Variants in PANK3 observed in about 807,000 individuals in gnomAD.
The protein encoded by PANK3 is hPanK3.
A neutral mutation model predicts 39.4 loss-of-function variants in PANK3; 20 were observed. That is an observed-to-expected ratio of 0.51 (90% CI 0.36 to 0.74). PANK3 has a LOEUF of 0.74. PANK3 is among the 30% of genes least tolerant of loss of function. The pLI is 0.00. For missense variants in PANK3, 265 were observed against 437.0 expected, an observed-to-expected ratio of 0.61 and a Z score of 3.51; for synonymous variants, 140 against 157.3, an observed-to-expected ratio of 0.89 and a Z score of 0.82.
In PANK3 at chr5:168,556,711, T is replaced by A. The variant is rs185399183; in HGVS notation, c.*860A>T. 9 of 152,764 alleles carry A rather than the reference T, an allele frequency of 5.9e-5. No individual in the cohort carries two copies. The East Asian group carries it at 1.7e-3, about 29-fold the overall frequency. 9.5% of individuals were successfully genotyped at this position (152,764 alleles called of 1,614,324 possible). A position where few individuals can be genotyped will look rare whatever the true frequency, so the allele number is the denominator to read the frequency against. On this transcript the variant is annotated 3_prime_UTR_variant, in exon 7 of 7. Transcript: ENST00000239231. ...ATATTTACAGATGAATTTTCTATTA[T>A]TAATGTTATTGTGGTTGTTTTAAAA... is the stretch of plus-strand genomic sequence containing the variant.
Position 168,553,547 on chromosome 5 carries a change from T to C in PANK3, c.*4024A>G. On this transcript the variant is annotated 3_prime_UTR_variant, in exon 7 of 7. Coordinates refer to ENST00000239231, the MANE Select transcript of PANK3 (RefSeq NM_024594.4). ...GGGCCAGGGGGACATGAGCAAAACC[T>C]CAGAGGGAGAGTCTTCTGACCTCTC... 1 of 327,320 alleles carries C rather than the reference T, an allele frequency of 3.1e-6. No individual in the cohort carries two copies. Among genetic ancestry groups the C allele is most frequent in the Non-Finnish European group, 6.0e-6 (1 of 167,152 alleles). The allele number at this position is 327,320 out of a possible 1,614,324, so 20.3% of individuals were successfully genotyped here.
In PANK3 at chr5:168,553,070, CCTTT is replaced by C; in HGVS notation, c.*4497_*4500del. The C allele has an allele frequency of 4.9e-6, 2 of 409,766 alleles. No homozygotes were observed. The highest frequency in any genetic ancestry group is 3.1e-5 in the Admixed American group (1 of 32,718). 25.4% of individuals were successfully genotyped at this position (409,766 alleles called of 1,614,324 possible). On this transcript the variant is annotated 3_prime_UTR_variant, in exon 7 of 7. Transcript: ENST00000239231. ...GCTGAAGGATCTCATTAGTACTCTT[CCTTT>C]CTGTTAATGAGCAAAAACTTACGAC...
intron 1 of PANK3, among the ~76,000 whole-genome samples, chr5:168,570,637 T>C (rs1759614289): frequency 1.3e-5 from 2 of 151,886 alleles, no homozygotes; most frequent in Admixed American, 1.3e-4. Context: ...AAAAACCCCA[T>C]CCAAAGGTGA....
At position 168,557,305 on chromosome 5, in the gene PANK3, AAAT is replaced by A. The variant is rs903250001; in HGVS notation, c.*263_*265del. On this transcript the variant is annotated 3_prime_UTR_variant, in exon 7 of 7. Transcript: ENST00000239231. ...ACAGTACTGCAATGTTGGCTACATA[AAAT>A]AAAAAAATCTTTTTAAGAGGAAGCT... The A allele has an allele frequency of 6.8e-5, 31 of 456,012 alleles. No homozygotes were observed. The highest frequency in any genetic ancestry group is 1.2e-3 in the Middle Eastern group (2 of 1,644). The allele number at this position is 456,012 out of a possible 1,614,324, so 28.2% of individuals were successfully genotyped here. A position where few individuals can be genotyped will look rare whatever the true frequency, so the allele number is the denominator to read the frequency against.
intron 2 of PANK3, among the ~76,000 whole-genome samples, chr5:168,568,271 A>C (rs1759567379): frequency 6.6e-6 from 1 of 152,230 alleles, no homozygotes; most frequent in Non-Finnish European, 1.5e-5. Context: ...GCCCTGGAAG[A>C]TTAATATTAT....
chr5:168,576,920 C>T (rs2113040075), intron 1 of PANK3, among the ~76,000 whole-genome samples: 1 of 151,976 alleles, frequency 6.6e-6, no homozygotes, highest in South Asian at 2.1e-4. Flanking sequence ...TGCTCTGTTG[C>T]CCAGGCTGGA....
chr5:168,558,714 A>G (rs555738209), intron 6 of PANK3, among the ~76,000 whole-genome samples: 2 of 152,348 alleles, frequency 1.3e-5, no homozygotes, highest in South Asian at 4.1e-4. Context: ...CCAATATTCT[A>G]CTACTTAAGG....
At chr5:168,558,228 C>G (rs145162200) in intron 6 of PANK3, among the ~76,000 whole-genome samples, 4 of 149,630 alleles carry the variant, frequency 2.7e-5, no homozygotes, top group African/African-American at 9.9e-5. Context: ...GGCGCCATCT[C>G]GACTCACTGC....
intron 1 of PANK3, among the ~76,000 whole-genome samples, chr5:168,571,679 T>C (rs6874655): frequency 0.13 from 20,237 of 152,228 alleles, 1,814 homozygotes; most frequent in Non-Finnish European, 0.19. Flanking sequence ...TGTGTGTGCA[T>C]TACAAAACCA....
chr5:168,575,690 G>C lies in PANK3; in HGVS notation c.28+3566C>G, dbSNP rs574854707. Among the ~76,000 whole-genome samples, 17 of 152,266 alleles carry C rather than the reference G, an allele frequency of 1.1e-4. No homozygotes were observed. In the South Asian group the frequency reaches 3.5e-3, roughly 32 times the overall value. ...AGTTCTAGCTACTGGGGAGGCTGAG[G>C]GGGGAGGATTGCTTGAGCCTGGCAT... On this transcript the variant is annotated intron_variant, in intron 1 of 6. Transcript: ENST00000239231.
chr5:168,576,311 A>T (rs1759729988), intron 1 of PANK3, among the ~76,000 whole-genome samples: 1 of 152,224 alleles, frequency 6.6e-6, no homozygotes, highest in South Asian at 2.1e-4. Context: ...ATAAAGCACA[A>T]ACTCAAAACC....
chr5:168,568,509 G>A (rs975401700), intron 2 of PANK3, 137 bp downstream of exon 2: 14 of 675,590 alleles, frequency 2.1e-5, no homozygotes, highest in Middle Eastern at 3.1e-4. Context: ...TGTTTAAAAC[G>A]CCCCAAGTGA....
chr5:168,572,751 C>T (rs562749512), intron 1 of PANK3, among the ~76,000 whole-genome samples: 91 of 152,232 alleles, frequency 6.0e-4, no homozygotes, highest in African/African-American at 2.1e-3. Flanking sequence ...CCTGATGTTC[C>T]TGTCTTCTTA....
At position 168,557,568 on chromosome 5, in the gene PANK3, G is replaced by A. The variant is rs765813594; in HGVS notation, c.*3C>T. The A allele has an allele frequency of 1.1e-5, 17 of 1,612,858 alleles. No individual in the cohort carries two copies. Among genetic ancestry groups the A allele is most frequent in the African/African-American group, 6.7e-5 (5 of 74,908 alleles). On this transcript the variant is annotated 3_prime_UTR_variant, in exon 7 of 7. Transcript: ENST00000239231. ...TTATTAGCAGAGAGAGAGACCTGAT[G>A]CTTTAGCTGAAATTTGGCAGCCCAA...
Position 168,556,662 on chromosome 5 carries a change from C to G in PANK3, c.*909G>C, listed in dbSNP as rs1366517345. ...TAATAAGGCATGGTAGAGGTTTTCCCATTTTTCAGTGACTAGACTGTGAAT... is the reference window on the plus strand; with the variant it reads ...TAATAAGGCATGGTAGAGGTTTTCCGATTTTTCAGTGACTAGACTGTGAAT... On this transcript the variant is annotated 3_prime_UTR_variant, in exon 7 of 7. Transcript: ENST00000239231. 6.6e-6 allele frequency: 1 copy of G among 152,558 alleles called. No individual in the cohort carries two copies. Among genetic ancestry groups the G allele is most frequent in the Non-Finnish European group, 1.5e-5 (1 of 68,036 alleles). The allele number at this position is 152,558 out of a possible 1,614,324, so 9.5% of individuals were successfully genotyped here.
At chr5:168,579,185 C>T (rs958378630) in intron 1 of PANK3, 71 bp downstream of exon 1, 18 of 1,385,470 alleles carry the variant, frequency 1.3e-5, no homozygotes, top group Non-Finnish European at 1.6e-5. Flanking sequence ...AGCCGACCGC[C>T]CAGCCAAGGG....
At chr5:168,574,962 C>T (rs569941853) in intron 1 of PANK3, among the ~76,000 whole-genome samples, 1 of 151,890 alleles carries the variant, frequency 6.6e-6, no homozygotes, top group African/African-American at 2.4e-5. Context: ...AAAAGTAGGT[C>T]ATCAGTGCAC....
intron 2 of PANK3, among the ~76,000 whole-genome samples, chr5:168,567,121 T>A (rs979897341): frequency 2.6e-5 from 4 of 152,248 alleles, no homozygotes; most frequent in Non-Finnish European, 5.9e-5. Context: ...TACTTCTTAC[T>A]GTTTGGAATT....
At chr5:168,567,193 T>C (rs548388765) in intron 2 of PANK3, among the ~76,000 whole-genome samples, 1 of 152,300 alleles carries the variant, frequency 6.6e-6, no homozygotes, top group South Asian at 2.1e-4. Context: ...CCATTTATGG[T>C]ATCTTATTTT....
Sources: allele counts gnomAD v4.1 joint callset (sites outside exome capture counted in the v4.1 genomes callset), GRCh38; gene constraint gnomAD v4.1.1; transcripts MANE v1.5; gene names NCBI Gene and HGNC (gene_info 2026-07-23, HGNC 2026-07-21).